Variants in TAFA2 observed in about 807,000 individuals in gnomAD.
TAFA2 encodes TAFA chemokine like family member 2.
TAFA2 carries 7 observed loss-of-function variants against 18.8 expected under a neutral mutation model. That is an observed-to-expected ratio of 0.37 (90% CI 0.21 to 0.70). The LOEUF (loss-of-function observed/expected upper bound fraction) is 0.70. Among genes scored for constraint, TAFA2 ranks in the 30% least tolerant of loss-of-function variants. The probability of loss-of-function intolerance (pLI) is 0.53; values close to 1 mark genes in which losing one functional copy is unlikely to be tolerated. For synonymous variants in TAFA2, 60 were observed against 54.2 expected (o/e 1.11, Z -0.47); for missense variants, 122 against 158.1 (o/e 0.77, Z 1.23).
At chr12:62,154,723 T>C (rs1031654105) in intron 1 of TAFA2, among the ~76,000 whole-genome samples, 5 of 152,178 alleles carry the variant, frequency 3.3e-5, no homozygotes, top group Admixed American at 6.6e-5. Flanking sequence ...ATTTTTCTAA[T>C]GTATAAACAT....
chr12:62,075,633 A>C (rs1003076897), intron 1 of TAFA2, among the ~76,000 whole-genome samples: 1 of 152,242 alleles, frequency 6.6e-6, no homozygotes, highest in African/African-American at 2.4e-5. Context: ...TCATTTCAGC[A>C]GCTTAGCCTA....
intron 4 of TAFA2, among the ~76,000 whole-genome samples, chr12:61,722,528 T>C (rs1869953071): frequency 6.6e-6 from 1 of 152,180 alleles, no homozygotes; most frequent in Admixed American, 6.5e-5. Flanking sequence ...TGATAAAGAC[T>C]GAGAAAATTT....
At chr12:61,717,865 T>TA (rs990337361) in intron 4 of TAFA2, among the ~76,000 whole-genome samples, 1 of 152,102 alleles carries the variant, frequency 6.6e-6, no homozygotes, top group African/African-American at 2.4e-5. Flanking sequence ...ATAAGTCACT[T>TA]AAAAAAATAC....
At chr12:62,190,151 G>A (rs573366941) in intron 1 of TAFA2, among the ~76,000 whole-genome samples, 1 of 152,126 alleles carries the variant, frequency 6.6e-6, no homozygotes, top group East Asian at 1.9e-4. Context: ...CTACACATTT[G>A]ATTCCAAACG....
At chr12:61,908,845 C>A (rs957791294) in intron 1 of TAFA2, among the ~76,000 whole-genome samples, 5 of 152,160 alleles carry the variant, frequency 3.3e-5, no homozygotes, top group African/African-American at 1.2e-4. Context: ...TGGTCTTTCC[C>A]ATTCCAATAT....
intron 1 of TAFA2, among the ~76,000 whole-genome samples, chr12:61,898,752 T>C (rs1875967914): frequency 6.6e-6 from 1 of 152,212 alleles, no homozygotes; most frequent in Non-Finnish European, 1.5e-5. Context: ...CCTGGAGTCA[T>C]GTTCCCCATT....
intron 1 of TAFA2, among the ~76,000 whole-genome samples, chr12:61,949,687 A>G (rs1878399252): frequency 6.6e-6 from 1 of 152,116 alleles, no homozygotes; most frequent in Non-Finnish European, 1.5e-5. Context: ...TGTTTTTCTA[A>G]AACCCTGACT....
chr12:61,894,178 T>C (rs1289455582), intron 1 of TAFA2, among the ~76,000 whole-genome samples: 4 of 152,246 alleles, frequency 2.6e-5, no homozygotes, highest in Non-Finnish European at 5.9e-5. Flanking sequence ...TTCATGAATA[T>C]GGGAAGTATA....
At chr12:62,244,017 T>G (rs186322232) in intron 1 of TAFA2, among the ~76,000 whole-genome samples, 13 of 151,932 alleles carry the variant, frequency 8.6e-5, no homozygotes, top group Admixed American at 6.5e-4. Context: ...CTCTAACTAC[T>G]GGGTTTAAGC....
intron 1 of TAFA2, among the ~76,000 whole-genome samples, chr12:62,247,879 C>T (rs2062894473): frequency 6.6e-6 from 1 of 152,116 alleles, no homozygotes; most frequent in Non-Finnish European, 1.5e-5. Flanking sequence ...GAGAAATAGT[C>T]ACTGAATTAA....
chr12:61,994,085 AT>A (rs1380400337), intron 1 of TAFA2, among the ~76,000 whole-genome samples: 3 of 152,144 alleles, frequency 2.0e-5, no homozygotes, highest in Non-Finnish European at 4.4e-5. Flanking sequence ...TTCTATGCAC[AT>A]GACACATTTA....
chr12:61,918,173 T>C (rs1252828905), intron 1 of TAFA2, among the ~76,000 whole-genome samples: 1 of 152,182 alleles, frequency 6.6e-6, no homozygotes, highest in Non-Finnish European at 1.5e-5. Flanking sequence ...AATCAAATCA[T>C]ACTCTTTTAG....
intron 2 of TAFA2, among the ~76,000 whole-genome samples, chr12:61,866,163 A>G (rs1260530832): frequency 6.6e-6 from 1 of 152,186 alleles, no homozygotes; most frequent in Non-Finnish European, 1.5e-5. Flanking sequence ...CACACACGAA[A>G]ACATACTGTG....
intron 4 of TAFA2, among the ~76,000 whole-genome samples, chr12:61,748,058 G>A (rs951799301): frequency 1.3e-5 from 2 of 151,704 alleles, no homozygotes; most frequent in African/African-American, 4.8e-5. Flanking sequence ...TCCTAAAGCA[G>A]TGTTTTTCAA....
intron 1 of TAFA2, among the ~76,000 whole-genome samples, chr12:62,120,775 A>G (rs1304605812): frequency 6.6e-6 from 1 of 151,968 alleles, no homozygotes; most frequent in Non-Finnish European, 1.5e-5. Context: ...CAGAGTCTCT[A>G]GTGGGGTATC....
At chr12:61,839,819 T>C (rs1218452092) in intron 2 of TAFA2, among the ~76,000 whole-genome samples, 1 of 151,912 alleles carries the variant, frequency 6.6e-6, no homozygotes, top group East Asian at 1.9e-4. Context: ...AAACGCAATA[T>C]ACCCAAGTAA....
intron 1 of TAFA2, among the ~76,000 whole-genome samples, chr12:61,940,861 G>C (rs1592501870): frequency 6.6e-6 from 1 of 152,076 alleles, no homozygotes; most frequent in Non-Finnish European, 1.5e-5. Context: ...TTTTCATTTG[G>C]CTGCATTGAG....
chr12:62,110,525 A>G (rs907723862), intron 1 of TAFA2, among the ~76,000 whole-genome samples: 4 of 142,374 alleles, frequency 2.8e-5, no homozygotes, highest in Non-Finnish European at 4.6e-5. Flanking sequence ...CTCTTTTTCT[A>G]TTGTTTGGAA....
intron 2 of TAFA2, among the ~76,000 whole-genome samples, chr12:61,755,503 G>T (rs1869223174): frequency 6.6e-6 from 1 of 152,034 alleles, no homozygotes; most frequent in Non-Finnish European, 1.5e-5. Flanking sequence ...CAGACAGTGG[G>T]CACCCACATG....
Sources: gnomAD v4.1 joint callset for allele counts (sites outside exome capture counted in the v4.1 genomes callset) on GRCh38, gnomAD v4.1.1 for gene constraint, MANE v1.5 for transcripts, NCBI Gene and HGNC (gene_info 2026-07-23, HGNC 2026-07-21) for gene names.